VPS26C: variants seen among roughly 807,000 people sequenced by gnomAD.
VPS26C encodes VPS26 endosomal protein sorting factor C.
In VPS26C, 19 loss-of-function variants were observed where a neutral mutation model predicts 30.6. That is an observed-to-expected ratio of 0.62 (90% confidence interval 0.43 to 0.91). VPS26C has a LOEUF of 0.91. Ranked by LOEUF, VPS26C falls within the 40% of genes least tolerant of loss-of-function variation. The pLI, the probability that VPS26C is intolerant of heterozygous loss-of-function variation, is 0.00. For synonymous variants in VPS26C, 132 were observed against 151.5 expected, an observed-to-expected ratio of 0.87 and a Z score of 0.95; for missense variants, 318 against 385.1, an observed-to-expected ratio of 0.83 and a Z score of 1.46.
At chr21:37,267,451 G>A (rs925523978), upstream of VPS26C, 10 of 513,438 alleles carry the variant, frequency 1.9e-5, no homozygotes, top group Non-Finnish European at 2.6e-5. Context: ...CCCTAGCTCC[G>A]AGGGGCGAAT....
Position 37,225,627 on chromosome 21 carries a change from C to T in VPS26C, c.812-1G>A. ...AGCACCACGATGTTAACCTCAAATT[C>T]TGAGAAGAGAAGAGAGGGTGGGTTT... On this transcript the variant is annotated splice_acceptor_variant, in intron 7 of 7. Transcript: ENST00000309117. LOFTEE classifies it high-confidence loss of function. 1 of 1,613,444 alleles carries T rather than the reference C, an allele frequency of 6.2e-7. No individual in the cohort carries two copies. The highest frequency in any genetic ancestry group is 8.5e-7 in the Non-Finnish European group (1 of 1,179,478).
In VPS26C at chr21:37,233,468, A is replaced by G; in HGVS notation, c.352-26T>C. 1 of 1,536,744 alleles carries G rather than the reference A, an allele frequency of 6.5e-7. No individual in the cohort carries two copies. Among genetic ancestry groups the G allele is most frequent in the Non-Finnish European group, 9.0e-7 (1 of 1,109,912 alleles). On this transcript the variant is annotated intron_variant, in intron 3 of 7. Transcript: ENST00000309117. This position sits in a 1 kb window ranked among gnomAD's most constrained non-coding sequence, Gnocchi z 5.2. ...CTAAAGGGGAGAGTTGGAGGAAAAA[A>G]GTTCATTTTAGTGGGATTTGCTTTC...
At chr21:37,267,153 C>T in intron 1 of VPS26C, 85 bp downstream of exon 1, 1 of 1,240,330 alleles carries the variant, frequency 8.1e-7, no homozygotes, top group Non-Finnish European at 1.2e-6. Context: ...CCTAGGGACG[C>T]GGGACGTGCG....
chr21:37,266,991 C>T lies in VPS26C; in HGVS notation c.57+247G>A, dbSNP rs1045944696. 3 of 563,432 alleles carry T rather than the reference C, an allele frequency of 5.3e-6. No homozygotes were observed. In the African/African-American group the frequency reaches 6.1e-5, roughly 11 times the overall value. The allele number at this position is 563,432 out of a possible 1,614,324, so 34.9% of individuals were successfully genotyped here. On this transcript the variant is annotated intron_variant, in intron 1 of 7. Transcript: ENST00000309117. ...GCGCAGCCCCGGAGCTGGGCGCCTG[C>T]CCTGCACGTCCCGCAGATGCGGCGG... is the stretch of plus-strand genomic sequence containing the variant.
At chr21:37,259,002 T>G (rs2086276495) in intron 1 of VPS26C, among the ~76,000 whole-genome samples, 1 of 152,168 alleles carries the variant, frequency 6.6e-6, no homozygotes, top group African/African-American at 2.4e-5. Flanking sequence ...TCAGGAGTAT[T>G]AGGTTATTGG....
chr21:37,225,449 A>G lies in VPS26C; in HGVS notation c.*95T>C, dbSNP rs1168886556. 1 of 1,024,114 alleles carries G rather than the reference A, an allele frequency of 9.8e-7. No individual in the cohort carries two copies. The highest frequency in any genetic ancestry group is 2.4e-5 in the East Asian group (1 of 40,926). 63.4% of individuals were successfully genotyped at this position (1,024,114 alleles called of 1,614,324 possible). A position where few individuals can be genotyped will look rare whatever the true frequency, so the allele number is the denominator to read the frequency against. ...CTGATACAGAATAATCACAAAAACA[A>G]GTATATGCCGCTGGCTGTAGCTCCC... On this transcript the variant is annotated 3_prime_UTR_variant, in exon 8 of 8. Transcript: ENST00000309117.
intron 3 of VPS26C, among the ~76,000 whole-genome samples, chr21:37,235,822 T>C (rs2086014311): frequency 6.8e-6 from 1 of 147,564 alleles, no homozygotes; most frequent in South Asian, 2.1e-4. Flanking sequence ...ATTTGATACA[T>C]ATACATATAT....
At chr21:37,238,336 G>A (rs1192617138) in intron 3 of VPS26C, 124 bp downstream of exon 3, 12 of 1,079,232 alleles carry the variant, frequency 1.1e-5, no homozygotes, top group Middle Eastern at 2.1e-4. Context: ...ATATACATGC[G>A]AGGTCTCAGC....
At chr21:37,250,936 A>G (rs1456790962) in intron 1 of VPS26C, among the ~76,000 whole-genome samples, 3 of 151,648 alleles carry the variant, frequency 2.0e-5, no homozygotes, top group Non-Finnish European at 4.4e-5. Flanking sequence ...GAAAAAGATA[A>G]CTCAGAAGAA....
At chr21:37,238,702 C>G (rs1602270753) in intron 2 of VPS26C, 93 bp from the exon 3 acceptor site, 1 of 1,452,282 alleles carries the variant, frequency 6.9e-7, no homozygotes, top group East Asian at 2.3e-5. Context: ...GCACCCCGAC[C>G]CCCTGGAGGC....
intron 1 of VPS26C, among the ~76,000 whole-genome samples, chr21:37,264,039 G>C (rs1246373147): frequency 3.9e-5 from 6 of 152,204 alleles, no homozygotes; most frequent in African/African-American, 1.4e-4. Flanking sequence ...AGCCATGACA[G>C]TGCTGGCTGC....
intron 1 of VPS26C, 113 bp downstream of exon 1, chr21:37,267,125 C>T: frequency 4.1e-6 from 4 of 980,212 alleles, no homozygotes; most frequent in South Asian, 1.4e-5. Flanking sequence ...ACGCACCTGG[C>T]GGGACAGCCC....
At chr21:37,227,531 G>A in intron 7 of VPS26C, 123 bp downstream of exon 7, 2 of 1,120,576 alleles carry the variant, frequency 1.8e-6, no homozygotes, top group Non-Finnish European at 2.6e-6. Flanking sequence ...ATGGCCTGTG[G>A]CAGGCCCTGG....
rs79774329 is a variant in VPS26C, at chr21:37,255,726, T to A, written c.57+11512A>T. Among the ~76,000 whole-genome samples, 1,301 of 152,180 alleles carry A rather than the reference T, an allele frequency of 8.5e-3. 70 individuals carry two copies. In the East Asian group the frequency reaches 0.17, roughly 20 times the overall value. On this transcript the variant is annotated intron_variant, in intron 1 of 7. Coordinates refer to ENST00000309117, the MANE Select transcript of VPS26C (RefSeq NM_006052.2). ...GTCCAAGAGCCCCAGCTGAGTAAATTCTCCAGGAGGAAAATGGCAGAAACT... is the reference window on the plus strand; with the variant it reads ...GTCCAAGAGCCCCAGCTGAGTAAATACTCCAGGAGGAAAATGGCAGAAACT...
chr21:37,227,004 A>C (rs1188063397), intron 7 of VPS26C: 1 of 152,264 alleles, frequency 6.6e-6, no homozygotes, highest in Non-Finnish European at 1.5e-5. Context: ...TTCATGATAC[A>C]ATGTTAAGGG....
intron 1 of VPS26C, among the ~76,000 whole-genome samples, chr21:37,262,923 C>T (rs1442641422): frequency 6.6e-6 from 1 of 151,862 alleles, no homozygotes; most frequent in Non-Finnish European, 1.5e-5. Flanking sequence ...GTGCACCACA[C>T]CCAGCTAATT....
intron 7 of VPS26C, chr21:37,225,862 A>C: frequency 5.3e-6 from 3 of 568,812 alleles, no homozygotes; most frequent in Non-Finnish European, 9.5e-6. Flanking sequence ...TTGTCCTCTC[A>C]TCTTGGAACA....
intron 3 of VPS26C, among the ~76,000 whole-genome samples, chr21:37,234,991 G>A (rs1278135162): frequency 2.2e-5 from 3 of 134,314 alleles, no homozygotes; most frequent in South Asian, 2.4e-4. Flanking sequence ...TACAGGGGCC[G>A]CGCCACCATG....
At chr21:37,235,160 C>A (rs965361783) in intron 3 of VPS26C, among the ~76,000 whole-genome samples, 1 of 152,166 alleles carries the variant, frequency 6.6e-6, no homozygotes, top group African/African-American at 2.4e-5. Flanking sequence ...GCATCCACCA[C>A]CATGCCCGGC....
Sources: gnomAD v4.1 joint callset for allele counts (sites outside exome capture counted in the v4.1 genomes callset) on GRCh38, gnomAD v4.1.1 for gene constraint, Gnocchi (gnomAD v3.1) non-coding constraint, MANE v1.5 for transcripts, NCBI Gene and HGNC (gene_info 2026-07-23, HGNC 2026-07-21) for gene names.